MMP26: variants seen among roughly 807,000 people sequenced by gnomAD.
MMP26 encodes matrix metalloproteinase-26.
In MMP26, 33 loss-of-function variants were observed where a neutral mutation model predicts 31.0. That is an observed-to-expected ratio of 1.06 (90% CI 0.81 to 1.42). MMP26 has a LOEUF of 1.42. MMP26 is among the 40% of genes most tolerant of loss of function. The pLI, the probability that MMP26 is intolerant of heterozygous loss-of-function variation, is 0.00. For missense variants in MMP26, 347 were observed against 316.1 expected, an observed-to-expected ratio of 1.10 and a Z score of -0.74; for synonymous variants, 122 against 114.9, an observed-to-expected ratio of 1.06 and a Z score of -0.40.
At chr11:4,735,668 T>G (rs1848230212) in intron 1 of MMP26, among the ~76,000 whole-genome samples, 2 of 152,210 alleles carry the variant, frequency 1.3e-5, no homozygotes, top group Non-Finnish European at 2.9e-5. Flanking sequence ...TCTGCCACTC[T>G]GTAATATTGT....
chr11:4,936,145 A>G (rs915414579), intron 2 of MMP26, among the ~76,000 whole-genome samples: 3 of 148,486 alleles, frequency 2.0e-5, no homozygotes, highest in African/African-American at 7.5e-5. Context: ...TAGTTTCAGA[A>G]GGAATGGTAC....
At chr11:4,936,883 C>T (rs894090483) in intron 2 of MMP26, among the ~76,000 whole-genome samples, 4 of 152,090 alleles carry the variant, frequency 2.6e-5, no homozygotes, top group Non-Finnish European at 5.9e-5. Flanking sequence ...TCCAAATATG[C>T]AGTTAATATA....
At chr11:4,853,959 G>A (rs985537911) in intron 2 of MMP26, among the ~76,000 whole-genome samples, 1 of 152,166 alleles carries the variant, frequency 6.6e-6, no homozygotes, top group African/African-American at 2.4e-5. Context: ...ATGCGTAAGT[G>A]CAGAGTTGGT....
intron 2 of MMP26, among the ~76,000 whole-genome samples, chr11:4,927,128 C>T (rs1230297713): frequency 1.3e-5 from 2 of 152,100 alleles, no homozygotes; most frequent in African/African-American, 2.4e-5. Flanking sequence ...AAGAGGTGGG[C>T]CGGGCAATGA....
intron 2 of MMP26, among the ~76,000 whole-genome samples, chr11:4,968,857 T>C (rs1426865210): frequency 6.6e-6 from 1 of 152,032 alleles, no homozygotes; most frequent in East Asian, 1.9e-4. Flanking sequence ...CATGTGAGTT[T>C]TCATTTCCTC....
chr11:4,709,816 T>C (rs1156314170), intron 1 of MMP26: 1 of 457,376 alleles, frequency 2.2e-6, no homozygotes, highest in Admixed American at 2.3e-5. Flanking sequence ...TTGACCACCA[T>C]GCTGGGTATT....
chr11:4,821,659 C>T (rs763335038), intron 2 of MMP26: 4 of 1,614,100 alleles, frequency 2.5e-6, no homozygotes, highest in South Asian at 1.1e-5. Context: ...CCTGTGTACA[C>T]TTTCTACTAC....
chr11:4,944,117 G>A, intron 2 of MMP26: 7 of 455,778 alleles, frequency 1.5e-5, no homozygotes, highest in South Asian at 6.2e-5. Flanking sequence ...TAAGGTTTTG[G>A]AAAAGGTAGA....
rs576642834 is a variant in MMP26 at position 4,943,908 on chromosome 11, T to A, written c.-144-44160T>A. The A allele has an allele frequency of 1.6e-5, 7 of 439,472 alleles. No homozygotes were observed. The East Asian group carries it at 2.8e-4, about 18-fold the overall frequency. 27.2% of individuals were successfully genotyped at this position (439,472 alleles called of 1,614,324 possible). ...ATCTTTGATACTCTTTTATGTGACA[T>A]CTATGTACAATATCCTGAAAGAATA... On this transcript the variant is annotated intron_variant, in intron 2 of 7. Coordinates refer to ENST00000380390, the MANE Select transcript of MMP26 (RefSeq NM_021801.5).
At chr11:4,900,359 G>A (rs1490291127) in intron 2 of MMP26, among the ~76,000 whole-genome samples, 2 of 152,132 alleles carry the variant, frequency 1.3e-5, no homozygotes, top group African/African-American at 4.8e-5. Flanking sequence ...TGCCTTTTGT[G>A]GGGTAGAATA....
intron 2 of MMP26, among the ~76,000 whole-genome samples, chr11:4,814,042 T>A (rs563791679): frequency 1.3e-5 from 2 of 152,322 alleles, no homozygotes; most frequent in East Asian, 1.9e-4. Context: ...ATTATTATTA[T>A]TCAACATTAT....
intron 2 of MMP26, chr11:4,769,317 C>T: frequency 6.2e-7 from 1 of 1,613,384 alleles, no homozygotes; most frequent in Non-Finnish European, 8.5e-7. Flanking sequence ...TCAATTAATC[C>T]ACAGATGCTA....
At chr11:4,823,496 C>A (rs138050955) in intron 2 of MMP26, among the ~76,000 whole-genome samples, 4 of 152,214 alleles carry the variant, frequency 2.6e-5, no homozygotes, top group Non-Finnish European at 5.9e-5. Flanking sequence ...GGCTATTGTG[C>A]CACTGCACAC....
At chr11:4,850,059 C>T (rs1849953906) in intron 2 of MMP26, among the ~76,000 whole-genome samples, 1 of 152,156 alleles carries the variant, frequency 6.6e-6, no homozygotes, top group Non-Finnish European at 1.5e-5. Context: ...AGTCACCCTA[C>T]TTGGCTACTG....
chr11:4,947,278 C>T (rs1564812754), intron 2 of MMP26: 3 of 455,414 alleles, frequency 6.6e-6, no homozygotes, highest in South Asian at 2.8e-5. Flanking sequence ...TTGGTTGCTG[C>T]TTTGGACTAT....
intron 2 of MMP26, among the ~76,000 whole-genome samples, chr11:4,820,455 T>C (rs1849479628): frequency 6.6e-6 from 1 of 152,154 alleles, no homozygotes; most frequent in African/African-American, 2.4e-5. Flanking sequence ...GCTTAATTTA[T>C]TGTAGTAAAA....
chr11:4,768,929 A>G (rs1049024432), intron 2 of MMP26: 46 of 1,282,802 alleles, frequency 3.6e-5, no homozygotes, highest in Non-Finnish European at 4.6e-5. Context: ...TCGCTTTTCT[A>G]CAGTGCAAGT....
chr11:4,864,860 G>A (rs1035164884), intron 2 of MMP26, among the ~76,000 whole-genome samples: 1 of 151,962 alleles, frequency 6.6e-6, no homozygotes, highest in Non-Finnish European at 1.5e-5. Flanking sequence ...TCCTATTATC[G>A]GGAGCTTAAT....
chr11:4,900,059 T>C (rs1305259764), intron 2 of MMP26, among the ~76,000 whole-genome samples: 1 of 152,174 alleles, frequency 6.6e-6, no homozygotes, highest in African/African-American at 2.4e-5. Flanking sequence ...TGTTGTCTCA[T>C]CCTCACTAAT....
Sources: gnomAD v4.1 joint callset for allele counts (sites outside exome capture counted in the v4.1 genomes callset) on GRCh38, gnomAD v4.1.1 for gene constraint, MANE v1.5 for transcripts, NCBI Gene and HGNC (gene_info 2026-07-23, HGNC 2026-07-21) for gene names.